The following SETD5 variants were observed in gnomAD, a reference collection of about 807,000 sequenced individuals.
The protein encoded by SETD5 is SET domain containing 5.
In SETD5, 44 loss-of-function variants were observed where a neutral mutation model predicts 153.3. The observed-to-expected ratio is 0.29, with a 90% CI of 0.23 to 0.37. SETD5 has a LOEUF of 0.37. Ranked by LOEUF, SETD5 falls within the 10% of genes least tolerant of loss-of-function variation. The pLI is 1.00. For missense variants in SETD5, 1,544 were observed against 1,768.0 expected (o/e 0.87, Z 2.27); for synonymous variants, 716 against 645.2 (o/e 1.11, Z -1.66).
chr3:9,468,498 A>G, intron 18 of SETD5: 1 of 1,304,014 alleles, frequency 7.7e-7, no homozygotes, highest in Non-Finnish European at 1.0e-6. Flanking sequence ...AATAATAACA[A>G]GATGCTTTTC....
chr3:9,461,400 G>T (rs1303265575), intron 17 of SETD5, among the ~76,000 whole-genome samples: 2 of 152,172 alleles, frequency 1.3e-5, no homozygotes, highest in Non-Finnish European at 2.9e-5. Flanking sequence ...AAGAGTCAGT[G>T]AAGCAATGTC....
chr3:9,469,287 A>G (rs2045019439), intron 18 of SETD5, among the ~76,000 whole-genome samples: 2 of 152,204 alleles, frequency 1.3e-5, no homozygotes, highest in South Asian at 4.1e-4. Context: ...GGATATGTCA[A>G]ACTCAGATTT....
chr3:9,445,965 G>GTTTT lies in SETD5; in HGVS notation c.1524+245_1524+248dup, dbSNP rs376821559. ...TATCTAGTGATGGTTTGAAGAGGTT[G>GTTTT]TTTTTTTTTTTTTTTTTTTTTTTAC... On this transcript the variant is annotated intron_variant, in intron 13 of 22. Transcript: ENST00000402198. Among the ~76,000 whole-genome samples the GTTTT allele has an allele frequency of 9.0e-3, 772 of 85,648 alleles. 3 individuals carry two copies. The highest frequency in any genetic ancestry group is 0.013 in the Non-Finnish European group (563 of 43,434). 56.2% of individuals were successfully genotyped at this position (85,648 alleles called of 152,430 possible). A position where few individuals can be genotyped will look rare whatever the true frequency, so the allele number is the denominator to read the frequency against.
At chr3:9,452,334 A>G (rs1039488835) in intron 16 of SETD5, among the ~76,000 whole-genome samples, 9 of 152,188 alleles carry the variant, frequency 5.9e-5, no homozygotes, top group Admixed American at 2.6e-4. Flanking sequence ...TCCTGAGCCT[A>G]ATTTTTCCAT....
rs752050961 is a variant in SETD5, at chr3:9,445,148, C to G, written c.1288C>G (p.Pro430Ala). The G allele has an allele frequency of 1.9e-6, 3 of 1,614,014 alleles. No homozygotes were observed. The South Asian group carries it at 3.3e-5, about 18-fold the overall frequency. ...AGAACTGCCACTCCTACCACCTCCT[C>G]CAAGCCTACCCACCATTGGAGCAGA... Reference protein sequence around the residue: ...ATELPLLPPPPSLPTIGAETR... With the variant: ...ATELPLLPPPASLPTIGAETR... Residue 430 changes from proline (P) to alanine (A), a missense_variant, in exon 12 of 23, where the codon CCA becomes GCA. By Grantham distance (27) the Pro-to-Ala change is conservative (BLOSUM62 -1). This residue lies in a region of SETD5 where 782 missense variants were observed against 787.2 expected (regional missense o/e 0.99). Transcript: ENST00000402198.
At chr3:9,444,944 T>C in intron 11 of SETD5, 104 bp from the exon 12 acceptor site, 1 of 1,414,706 alleles carries the variant, frequency 7.1e-7, no homozygotes, top group Non-Finnish European at 9.6e-7. Context: ...TCAGAGACAA[T>C]ATCAGAGGAA....
chr3:9,473,667 T>C, intron 20 of SETD5, 130 bp downstream of exon 20: 1 of 917,522 alleles, frequency 1.1e-6, no homozygotes, highest in South Asian at 1.7e-5. Flanking sequence ...CAGCCAACAG[T>C]ACCATCTGTC....
intron 17 of SETD5, among the ~76,000 whole-genome samples, chr3:9,454,417 G>A (rs1032860988): frequency 4.0e-5 from 6 of 151,848 alleles, no homozygotes; most frequent in African/African-American, 1.2e-4. Context: ...TCAGGAGTTC[G>A]AGACCAACGT....
At chr3:9,450,242 T>C (rs981895139) in intron 16 of SETD5, among the ~76,000 whole-genome samples, 2 of 152,220 alleles carry the variant, frequency 1.3e-5, no homozygotes, top group Admixed American at 1.3e-4. Context: ...AGAAATTCCA[T>C]TTAACACAAG....
In SETD5 at chr3:9,434,116, T is replaced by G. The variant is rs558831159; in HGVS notation, c.177+166T>G. 1.3e-6 allele frequency: 2 copies of G among 1,553,752 alleles called. No homozygotes were observed. Among genetic ancestry groups the G allele is most frequent in the Admixed American group, 3.9e-5 (2 of 51,394 alleles). The stretch of plus-strand genomic sequence containing the variant: ...CTAGCCCTGCATCATTGTTCTTGTT[T>G]TTATGTCCCAGTTGACCTTGGCATT... On this transcript the variant is annotated intron_variant, in intron 4 of 22. Coordinates refer to ENST00000402198, the MANE Select transcript of SETD5 (RefSeq NM_001080517.3). The surrounding 1 kb of genome is among the most constrained non-coding windows in gnomAD (Gnocchi z 5.6).
chr3:9,445,988 T>TTTTTTTTTTTTTTTA (rs1260243657), intron 13 of SETD5, among the ~76,000 whole-genome samples: 5 of 145,620 alleles, frequency 3.4e-5, no homozygotes, highest in African/African-American at 1.3e-4. Context: ...TTTTTTTTTT[T>TTTTTTTTTTTTTTTA]ACTAACAATC....
At chr3:9,416,326 A>G (rs1159496221) in intron 1 of SETD5, among the ~76,000 whole-genome samples, 1 of 152,208 alleles carries the variant, frequency 6.6e-6, no homozygotes, top group Non-Finnish European at 1.5e-5. Flanking sequence ...TTTATGGAAT[A>G]TCACACTCAC....
chr3:9,429,910 C>T, intron 3 of SETD5: 2 of 1,303,682 alleles, frequency 1.5e-6, no homozygotes, highest in Non-Finnish European at 2.0e-6. Context: ...ACCCAAGGGG[C>T]CTAGGGGGCA....
intron 16 of SETD5, 33 bp downstream of exon 16, chr3:9,448,663 T>A: frequency 6.7e-7 from 1 of 1,484,018 alleles, no homozygotes; most frequent in African/African-American, 1.4e-5. Context: ...GTGTTGTGTT[T>A]ATGTGTGTGT....
chr3:9,445,017 GAC>G (rs780483934), intron 11 of SETD5, 29 bp from the exon 12 acceptor site: 1 of 1,605,246 alleles, frequency 6.2e-7, no homozygotes, highest in Non-Finnish European at 8.5e-7. Context: ...AGGGTACTGA[GAC>G]AGGCATTTTG....
chr3:9,422,016 C>T (rs1360825781), intron 1 of SETD5, among the ~76,000 whole-genome samples: 3 of 152,070 alleles, frequency 2.0e-5, no homozygotes, highest in African/African-American at 7.2e-5. Flanking sequence ...GTGCTTTATA[C>T]AGGATCTTTT....
intron 1 of SETD5, among the ~76,000 whole-genome samples, chr3:9,412,542 A>G (rs761699673): frequency 6.6e-5 from 10 of 152,000 alleles, no homozygotes; most frequent in Non-Finnish European, 1.0e-4. Context: ...AGCTAGGACT[A>G]CAGGTATGTG....
intron 17 of SETD5, among the ~76,000 whole-genome samples, chr3:9,456,198 G>A (rs34867485): frequency 0.074 from 10,932 of 147,784 alleles, 1,312 homozygotes; most frequent in African/African-American, 0.26. Flanking sequence ...TCTGAGGCTA[G>A]GCGTTGGTGG....
Position 9,434,704 on chromosome 3 carries a change from T to A in SETD5, c.330-120T>A. 1 of 1,465,286 alleles carries A rather than the reference T, an allele frequency of 6.8e-7. No homozygotes were observed. Among genetic ancestry groups the A allele is most frequent in the South Asian group, 1.4e-5 (1 of 69,076 alleles). 90.8% of individuals were successfully genotyped at this position (1,465,286 alleles called of 1,614,324 possible). A position where few individuals can be genotyped will look rare whatever the true frequency, so the allele number is the denominator to read the frequency against. ...GAATTTGATATGAAATTTAATGTCC[T>A]GGAAACATTTGGTAGGTGGGAGGGA... On this transcript the variant is annotated intron_variant, in intron 5 of 22. Coordinates refer to ENST00000402198, the MANE Select transcript of SETD5 (RefSeq NM_001080517.3). The surrounding 1 kb of genome is among the most constrained non-coding windows in gnomAD (Gnocchi z 5.6).
Sources: allele counts gnomAD v4.1 joint callset (sites outside exome capture counted in the v4.1 genomes callset), GRCh38; gene constraint gnomAD v4.1.1; regional missense constraint gnomAD v4.1.1; non-coding constraint Gnocchi (gnomAD v3.1); transcripts MANE v1.5; gene names NCBI Gene and HGNC (gene_info 2026-07-23, HGNC 2026-07-21).